DIP2C: variants seen among roughly 807,000 people sequenced by gnomAD.
DIP2C encodes DIP2 acetate--CoA ligase C (putative).
A neutral mutation model predicts 192.4 loss-of-function variants in DIP2C; 33 were observed. The observed-to-expected ratio is 0.17, with a 90% CI of 0.13 to 0.23. The LOEUF is 0.23. Ranked by LOEUF, DIP2C falls within the 10% of genes least tolerant of loss-of-function variation. DIP2C has a pLI of 1.00. For missense variants in DIP2C, 1,537 were observed against 2,110.1 expected (o/e 0.73, Z 5.32); for synonymous variants, 979 against 864.1 (o/e 1.13, Z -2.33).
At chr10:579,594 A>G (rs1215543589) in intron 1 of DIP2C, among the ~76,000 whole-genome samples, 1 of 152,142 alleles carries the variant, frequency 6.6e-6, no homozygotes, top group Non-Finnish European at 1.5e-5. Context: ...CATAGAGCAT[A>G]CACATCCAAA....
intron 14 of DIP2C, among the ~76,000 whole-genome samples, chr10:386,169 A>C (rs1962888817): frequency 6.6e-6 from 1 of 152,200 alleles, no homozygotes; most frequent in East Asian, 1.9e-4. Flanking sequence ...TAACGGCACC[A>C]GTGATGTAGC....
At chr10:495,040 A>C (rs1188060883) in intron 1 of DIP2C, among the ~76,000 whole-genome samples, 1 of 152,256 alleles carries the variant, frequency 6.6e-6, no homozygotes, top group South Asian at 2.1e-4. Context: ...AACAAATACT[A>C]TTCAACTTAA....
intron 3 of DIP2C, among the ~76,000 whole-genome samples, chr10:448,216 T>C (rs1365161333): frequency 8.4e-5 from 8 of 95,028 alleles, no homozygotes; most frequent in African/African-American, 2.1e-4. Flanking sequence ...GACCCACTCA[T>C]TCCCGTCAAT....
intron 1 of DIP2C, among the ~76,000 whole-genome samples, chr10:538,458 A>AGT (rs1186874743): frequency 3.9e-5 from 6 of 152,348 alleles, no homozygotes; most frequent in African/African-American, 1.4e-4. Context: ...CATTGTGCCC[A>AGT]GTCTCCTGAA....
chr10:277,724 G>T, intron 36 of DIP2C, 147 bp from the exon 37 acceptor site: 1 of 1,118,952 alleles, frequency 8.9e-7, no homozygotes, highest in Non-Finnish European at 1.2e-6. Flanking sequence ...TCCGTCTGCC[G>T]CCCACTAATC....
At chr10:686,384 C>T (rs1380193868) in intron 1 of DIP2C, among the ~76,000 whole-genome samples, 3 of 151,712 alleles carry the variant, frequency 2.0e-5, no homozygotes, top group Middle Eastern at 3.2e-3. Context: ...CCTCCTCACC[C>T]GAGGGGCCTC....
chr10:313,766 AATTAGGT>A (rs1956659911), intron 31 of DIP2C, among the ~76,000 whole-genome samples: 2 of 152,230 alleles, frequency 1.3e-5, no homozygotes, highest in African/African-American at 4.8e-5. Context: ...GTATTATATC[AATTAGGT>A]ATTAAGTGCT....
chr10:533,719 CAG>C (rs1220302280), intron 1 of DIP2C, among the ~76,000 whole-genome samples: 1 of 151,154 alleles, frequency 6.6e-6, no homozygotes, highest in Non-Finnish European at 1.5e-5. Flanking sequence ...GGACAGAGAA[CAG>C]AACTCAAAGT....
chr10:579,813 T>C (rs1588508308), intron 1 of DIP2C, among the ~76,000 whole-genome samples: 2 of 150,590 alleles, frequency 1.3e-5, no homozygotes, highest in Non-Finnish European at 2.9e-5. Context: ...AGGTACACTA[T>C]AATGTGTACA....
intron 1 of DIP2C, among the ~76,000 whole-genome samples, chr10:676,664 A>G (rs972659560): frequency 6.6e-6 from 1 of 152,190 alleles, no homozygotes; most frequent in African/African-American, 2.4e-5. Context: ...TTTAGCTACA[A>G]AAATATAAAA....
intron 1 of DIP2C, among the ~76,000 whole-genome samples, chr10:590,541 A>G (rs1187180256): frequency 2.0e-5 from 3 of 152,224 alleles, no homozygotes; most frequent in African/African-American, 7.2e-5. Flanking sequence ...TCAACGATGC[A>G]GGTGCCAGCT....
intron 1 of DIP2C, among the ~76,000 whole-genome samples, chr10:616,592 C>T (rs1853487203): frequency 6.6e-6 from 1 of 152,216 alleles, no homozygotes; most frequent in Non-Finnish European, 1.5e-5. Context: ...CCAGCCAGGG[C>T]TTCCTCACCA....
intron 1 of DIP2C, among the ~76,000 whole-genome samples, chr10:507,438 AC>A (rs1274263064): frequency 6.6e-6 from 1 of 150,926 alleles, no homozygotes; most frequent in East Asian, 2.0e-4. Context: ...GGACCTGGTC[AC>A]CCGCTATGCA....
intron 3 of DIP2C, among the ~76,000 whole-genome samples, chr10:443,035 A>G (rs1386553134): frequency 2.0e-5 from 3 of 152,212 alleles, no homozygotes; most frequent in African/African-American, 7.2e-5. Context: ...ACTCAAGAGT[A>G]TGCATTTTAG....
At chr10:669,846 C>T (rs1253326457) in intron 1 of DIP2C, among the ~76,000 whole-genome samples, 1 of 152,174 alleles carries the variant, frequency 6.6e-6, no homozygotes, top group African/African-American at 2.4e-5. Flanking sequence ...AACATTCATA[C>T]CAATGTTTAT....
At chr10:572,265 C>G (rs1473320256) in intron 1 of DIP2C, among the ~76,000 whole-genome samples, 1 of 152,240 alleles carries the variant, frequency 6.6e-6, no homozygotes, top group East Asian at 1.9e-4. Flanking sequence ...CCCCAAACAT[C>G]TCACTCATAC....
chr10:499,935 T>C (rs1845107929), intron 1 of DIP2C, among the ~76,000 whole-genome samples: 1 of 152,176 alleles, frequency 6.6e-6, no homozygotes, highest in Non-Finnish European at 1.5e-5. Context: ...CTAGGACTTA[T>C]CTCCAGTAAC....
chr10:537,396 A>C (rs1847749222), intron 1 of DIP2C, among the ~76,000 whole-genome samples: 1 of 152,198 alleles, frequency 6.6e-6, no homozygotes, highest in South Asian at 2.1e-4. Flanking sequence ...TCGTTAACTA[A>C]TAAGGATCAC....
At chr10:550,916 A>G (rs1039850708) in intron 1 of DIP2C, among the ~76,000 whole-genome samples, 3 of 152,050 alleles carry the variant, frequency 2.0e-5, no homozygotes, top group Admixed American at 2.0e-4. Context: ...AACCGTGCAC[A>G]TGGCTTCCCC....
Sources: allele counts gnomAD v4.1 joint callset (sites outside exome capture counted in the v4.1 genomes callset), GRCh38; gene constraint gnomAD v4.1.1; transcripts MANE v1.5; gene names NCBI Gene and HGNC (gene_info 2026-07-23, HGNC 2026-07-21).